WDFY3: variants seen among roughly 807,000 people sequenced by gnomAD.
WDFY3 encodes the protein WD repeat and FYVE domain containing 3.
WDFY3 carries 66 observed loss-of-function variants against 409.6 expected under a neutral mutation model. The ratio of observed to expected loss-of-function variants is 0.16; its 90% CI spans 0.13 to 0.20. The LOEUF (loss-of-function observed/expected upper bound fraction) is 0.20. Among genes scored for constraint, WDFY3 ranks in the 10% least tolerant of loss-of-function variants. The pLI, the probability that WDFY3 is intolerant of heterozygous loss-of-function variation, is 1.00. For missense variants in WDFY3, 3,031 were observed against 4,298.1 expected (o/e 0.71, Z 8.24); for synonymous variants, 1,521 against 1,537.1 (o/e 0.99, Z 0.25).
chr4:84,757,225 A>G, intron 32 of WDFY3, 64 bp from the exon 33 acceptor site: 1 of 1,449,872 alleles, frequency 6.9e-7, no homozygotes, highest in Non-Finnish European at 9.6e-7. Context: ...CTGCATTAAC[A>G]AAGAAGGAAG....
intron 3 of WDFY3, among the ~76,000 whole-genome samples, chr4:84,889,735 G>A (rs1416696550): frequency 1.3e-5 from 2 of 152,132 alleles, no homozygotes; most frequent in African/African-American, 2.4e-5. Context: ...GTATGATACT[G>A]GCTTTATAAT....
chr4:84,871,469 A>G (rs1291635722), intron 3 of WDFY3, among the ~76,000 whole-genome samples: 1 of 152,172 alleles, frequency 6.6e-6, no homozygotes, highest in African/African-American at 2.4e-5. Flanking sequence ...CAGATAAGCA[A>G]AAACTGAGAG....
intron 10 of WDFY3, among the ~76,000 whole-genome samples, chr4:84,824,328 T>C (rs1050413206): frequency 1.3e-5 from 2 of 152,196 alleles, no homozygotes; most frequent in African/African-American, 4.8e-5. Flanking sequence ...ATTATTGTTG[T>C]TAATCTCTTA....
chr4:84,707,194 T>C (rs981375395), intron 53 of WDFY3, among the ~76,000 whole-genome samples: 5 of 152,006 alleles, frequency 3.3e-5, no homozygotes, highest in Admixed American at 3.3e-4. Flanking sequence ...CCTCCCAAAG[T>C]TCTGGGGTTA....
At chr4:84,697,713 T>C (rs1243355010) in intron 56 of WDFY3, among the ~76,000 whole-genome samples, 3 of 152,212 alleles carry the variant, frequency 2.0e-5, no homozygotes, top group Non-Finnish European at 2.9e-5. Context: ...AGATTATCAT[T>C]GTAAAAATGA....
At chr4:84,827,631 T>C (rs1327080858) in intron 9 of WDFY3, among the ~76,000 whole-genome samples, 2 of 152,188 alleles carry the variant, frequency 1.3e-5, no homozygotes, top group African/African-American at 4.8e-5. Flanking sequence ...ATTACCAACA[T>C]TTTTAAGGCT....
chr4:84,884,365 C>T (rs1763913005), intron 3 of WDFY3, among the ~76,000 whole-genome samples: 1 of 151,676 alleles, frequency 6.6e-6, no homozygotes, highest in Non-Finnish European at 1.5e-5. Context: ...AATGTTCATA[C>T]CATTTAATAT....
At chr4:84,757,960 GA>G (rs1741742327) in intron 32 of WDFY3, among the ~76,000 whole-genome samples, 1 of 152,174 alleles carries the variant, frequency 6.6e-6, no homozygotes, top group Non-Finnish European at 1.5e-5. Flanking sequence ...TCCACTGGCT[GA>G]ACTTAACATC....
intron 63 of WDFY3, 121 bp downstream of exon 63, chr4:84,683,822 G>T: frequency 9.6e-7 from 1 of 1,042,580 alleles, no homozygotes; most frequent in Non-Finnish European, 1.4e-6. Context: ...TGTCTGAGCT[G>T]GAGCGAGAGT....
chr4:84,966,518 G>C lies in WDFY3; in HGVS notation c.-535C>G. 3.2e-5 allele frequency: 5 copies of C among 157,160 alleles called. No homozygotes were observed. Among genetic ancestry groups the C allele is most frequent in the East Asian group, 1.9e-4 (1 of 5,228 alleles). The allele number at this position is 157,160 out of a possible 1,614,324, so 9.7% of individuals were successfully genotyped here. A position where few individuals can be genotyped will look rare whatever the true frequency, so the allele number is the denominator to read the frequency against. ...GCGTCCTCGTCCTCGCTGGGTCCCC[G>C]CCGCCGCCGCCTCAGCCTCGGCGCT... On this transcript the variant is annotated 5_prime_UTR_variant, in exon 1 of 68. Coordinates refer to ENST00000295888, the MANE Select transcript of WDFY3 (RefSeq NM_014991.6).
chr4:84,727,020 T>A, intron 44 of WDFY3, 109 bp from the exon 45 acceptor site: 2 of 945,364 alleles, frequency 2.1e-6, no homozygotes, highest in Non-Finnish European at 1.6e-6. Context: ...ATGTAGTTAC[T>A]CAAACAAAAT....
chr4:84,947,280 A>T (rs1427437092), intron 1 of WDFY3, among the ~76,000 whole-genome samples: 1 of 149,422 alleles, frequency 6.7e-6, no homozygotes, highest in Admixed American at 6.7e-5. Context: ...TGGGAAGCCG[A>T]GGCGGGCGGA....
chr4:84,821,861 T>C (rs1465394663), intron 10 of WDFY3, among the ~76,000 whole-genome samples: 1 of 151,986 alleles, frequency 6.6e-6, no homozygotes, highest in African/African-American at 2.4e-5. Flanking sequence ...GAGTTTAGAG[T>C]GGTAGTTTTA....
At chr4:84,787,230 T>C (rs892943211) in intron 23 of WDFY3, among the ~76,000 whole-genome samples, 3 of 152,158 alleles carry the variant, frequency 2.0e-5, no homozygotes, top group Admixed American at 6.5e-5. Flanking sequence ...AGAGGGCATA[T>C]ACCTATATCT....
intron 32 of WDFY3, among the ~76,000 whole-genome samples, chr4:84,758,880 T>C (rs866596368): frequency 1.2e-4 from 18 of 152,224 alleles, no homozygotes; most frequent in African/African-American, 3.6e-4. Context: ...TCCTTGCCCG[T>C]GCCTATGTCC....
intron 4 of WDFY3, among the ~76,000 whole-genome samples, chr4:84,857,739 TC>T (rs1217746525): frequency 4.6e-5 from 7 of 152,158 alleles, no homozygotes; most frequent in South Asian, 2.1e-4. Context: ...ATCTCCTCCC[TC>T]TATCATTCTC....
chr4:84,776,562 G>T (rs1745579153), intron 27 of WDFY3, among the ~76,000 whole-genome samples: 1 of 152,006 alleles, frequency 6.6e-6, no homozygotes, highest in African/African-American at 2.4e-5. Flanking sequence ...GGGTTAGGTA[G>T]GTCTTCTTAG....
At chr4:84,863,861 A>G (rs1472914348) in intron 3 of WDFY3, among the ~76,000 whole-genome samples, 1 of 151,962 alleles carries the variant, frequency 6.6e-6, no homozygotes, top group East Asian at 1.9e-4. Context: ...AAATGCATGG[A>G]TTTATTTCTG....
intron 47 of WDFY3, among the ~76,000 whole-genome samples, chr4:84,719,549 T>A (rs1734506188): frequency 6.6e-6 from 1 of 152,152 alleles, no homozygotes; most frequent in Non-Finnish European, 1.5e-5. Context: ...GAAAGCATTG[T>A]AATAGGTTTT....
Sources: allele counts gnomAD v4.1 joint callset (sites outside exome capture counted in the v4.1 genomes callset), GRCh38; gene constraint gnomAD v4.1.1; transcripts MANE v1.5; gene names NCBI Gene and HGNC (gene_info 2026-07-23, HGNC 2026-07-21).